Variants in MYOF observed in about 807,000 individuals in gnomAD.
MYOF encodes the protein fer-1-like 3, myoferlin.
A neutral mutation model predicts 284.2 loss-of-function variants in MYOF; 244 were observed. That is an observed-to-expected ratio of 0.86 (90% CI 0.77 to 0.95). The LOEUF is 0.95. Ranked by LOEUF, MYOF falls within the 40% of genes least tolerant of loss-of-function variation. MYOF has a pLI of 0.00. For missense variants in MYOF, 2,496 were observed against 2,560.6 expected (o/e 0.97, Z 0.54); for synonymous variants, 904 against 919.7 (o/e 0.98, Z 0.31).
chr10:93,475,061 A>G (rs892949341), intron 1 of MYOF, among the ~76,000 whole-genome samples: 1 of 152,090 alleles, frequency 6.6e-6, no homozygotes, highest in African/African-American at 2.4e-5. Flanking sequence ...GAAGCTGCAG[A>G]TTGTATTTGC....
Position 93,374,756 on chromosome 10 carries a change from G to T in MYOF, c.2301+7C>A, listed in dbSNP as rs764266977. 6.2e-7 allele frequency: 1 copy of T among 1,612,940 alleles called. No individual in the cohort carries two copies. The highest frequency in any genetic ancestry group is 1.1e-5 in the South Asian group (1 of 90,872). ...CAGGTGACGTTTGTGTAGTTTAAAAGTCCTACCTCTTCAGTCAGCTGCATT... is the reference window on the plus strand; with the variant it reads ...CAGGTGACGTTTGTGTAGTTTAAAATTCCTACCTCTTCAGTCAGCTGCATT... On this transcript the variant is annotated splice_region_variant and intron_variant, in intron 23 of 53. Coordinates refer to ENST00000359263, the MANE Select transcript of MYOF (RefSeq NM_013451.4).
chr10:93,409,634 C>T lies in MYOF; in HGVS notation c.539G>A (p.Arg180Gln), dbSNP rs140215599. 10 of 1,614,204 alleles carry T rather than the reference C, an allele frequency of 6.2e-6. No homozygotes were observed. The highest frequency in any genetic ancestry group is 5.0e-5 in the Admixed American group (3 of 60,026). ...GCTGTTCTTTACTTTGGTGAGCCTC[C>T]GAGCAAGCTGAGCTTCCGACACCGT... Reference protein sequence around the residue: ...VGTVSEAQLARRLTKVKNSRR... With the variant: ...VGTVSEAQLAQRLTKVKNSRR... Residue 180 changes from arginine (R) to glutamine (Q), a missense_variant, in exon 6 of 54, where the codon CGG becomes CAG. Physicochemically the swap from Arg to Gln is conservative, Grantham distance 43 (BLOSUM62 1). Coordinates refer to ENST00000359263, the MANE Select transcript of MYOF (RefSeq NM_013451.4).
chr10:93,427,233 G>T (rs1190309143), intron 4 of MYOF, among the ~76,000 whole-genome samples: 4 of 151,402 alleles, frequency 2.6e-5, no homozygotes, highest in Non-Finnish European at 5.9e-5. Flanking sequence ...AAAACAGAGA[G>T]AACTTTAAGT....
chr10:93,481,525 T>A (rs535175044), intron 1 of MYOF, among the ~76,000 whole-genome samples: 1 of 152,298 alleles, frequency 6.6e-6, no homozygotes, highest in East Asian at 1.9e-4. Flanking sequence ...CAGAGTTCTT[T>A]CCTCAATGAG....
At chr10:93,452,012 A>G in intron 3 of MYOF, 38 bp downstream of exon 3, 1 of 1,372,936 alleles carries the variant, frequency 7.3e-7, no homozygotes, top group Non-Finnish European at 1.0e-6. Flanking sequence ...GTGAGATAGT[A>G]ATACCTAAAA....
intron 3 of MYOF, among the ~76,000 whole-genome samples, chr10:93,450,877 T>C (rs889915671): frequency 3.3e-5 from 5 of 152,318 alleles, no homozygotes; most frequent in South Asian, 2.1e-4. Context: ...TTTATTAATT[T>C]GATAGTATAC....
chr10:93,438,170 C>G, intron 3 of MYOF, among the ~76,000 whole-genome samples: 1 of 152,102 alleles, frequency 6.6e-6, no homozygotes, highest in East Asian at 1.9e-4. Context: ...GTGACATTTC[C>G]TCTTAGGAAT....
In MYOF at chr10:93,352,521, A is replaced by C. The variant is rs59293446; in HGVS notation, c.3482-675T>G. 9.7e-3 allele frequency among the ~76,000 whole-genome samples: 1,483 copies of C among 152,360 alleles called. 31 individuals carry two copies. The highest frequency in any genetic ancestry group is 0.032 in the African/African-American group (1,333 of 41,586). On this transcript the variant is annotated intron_variant, in intron 32 of 53. Transcript: ENST00000359263. ...AAACTTTGTCTCACTATACTTAAGAATGGAGAGAAAGCAATATTATGTATG... is the reference window on the plus strand; with the variant it reads ...AAACTTTGTCTCACTATACTTAAGACTGGAGAGAAAGCAATATTATGTATG...
At position 93,482,215 on chromosome 10, in the gene MYOF, C is replaced by G. The variant is rs2057394628; in HGVS notation, c.-21G>C. 6.2e-7 allele frequency: 1 copy of G among 1,603,598 alleles called. No individual in the cohort carries two copies. The highest frequency in any genetic ancestry group is 8.5e-7 in the Non-Finnish European group (1 of 1,174,136). The stretch of plus-strand genomic sequence containing the variant: ...AGCATGGTTCTTAGCTGGTAGAAAG[C>G]AAGTTTCAGCAAACGAAGTGGAGAC... On this transcript the variant is annotated 5_prime_UTR_variant, in exon 1 of 54. Coordinates refer to ENST00000359263, the MANE Select transcript of MYOF (RefSeq NM_013451.4).
chr10:93,358,870 G>T (rs1049353155), intron 29 of MYOF, among the ~76,000 whole-genome samples: 4 of 152,088 alleles, frequency 2.6e-5, no homozygotes, highest in African/African-American at 9.6e-5. Flanking sequence ...GTTGATAGGT[G>T]CAGCAAACCA....
intron 30 of MYOF, among the ~76,000 whole-genome samples, chr10:93,356,205 T>C (rs558591308): frequency 2.0e-5 from 3 of 152,182 alleles, no homozygotes; most frequent in Non-Finnish European, 4.4e-5. Flanking sequence ...CTGCCTGCTT[T>C]TTCCCCCGAC....
At chr10:93,381,126 G>A in intron 20 of MYOF, 93 bp downstream of exon 20, 2 of 1,353,228 alleles carry the variant, frequency 1.5e-6, no homozygotes, top group South Asian at 2.6e-5. Flanking sequence ...AGGCTGCGTA[G>A]AACAGTGCCA....
intron 16 of MYOF, among the ~76,000 whole-genome samples, chr10:93,395,927 C>A (rs57823877): frequency 6.7e-6 from 1 of 149,322 alleles, no homozygotes; most frequent in Non-Finnish European, 1.5e-5. Flanking sequence ...TATATGCATA[C>A]TAGATTATGA....
At chr10:93,381,686 G>A (rs1846121605) in intron 19 of MYOF, among the ~76,000 whole-genome samples, 2 of 152,198 alleles carry the variant, frequency 1.3e-5, no homozygotes, top group African/African-American at 4.8e-5. Context: ...CCATAAAATA[G>A]AATGAAGGTT....
At chr10:93,432,952 A>C (rs1589561661) in intron 3 of MYOF, among the ~76,000 whole-genome samples, 1 of 152,210 alleles carries the variant, frequency 6.6e-6, no homozygotes. Flanking sequence ...TCAAAAACAC[A>C]TATAGAACAC....
intron 28 of MYOF, 82 bp from the exon 29 acceptor site, chr10:93,360,060 A>T: frequency 6.6e-7 from 1 of 1,520,344 alleles, no homozygotes; most frequent in Non-Finnish European, 9.1e-7. Flanking sequence ...ACATTTGTTC[A>T]CTCTCCCTGC....
At chr10:93,364,396 T>C (rs915520210) in intron 26 of MYOF, among the ~76,000 whole-genome samples, 2 of 152,238 alleles carry the variant, frequency 1.3e-5, no homozygotes, top group Non-Finnish European at 2.9e-5. Context: ...AGACAACGCC[T>C]TCCATGTTTC....
At chr10:93,322,293 T>C (rs1842875484) in intron 48 of MYOF, among the ~76,000 whole-genome samples, 2 of 152,222 alleles carry the variant, frequency 1.3e-5, no homozygotes, top group South Asian at 2.1e-4. Flanking sequence ...CCACGTGGAA[T>C]AGCAACAATA....
chr10:93,427,213 A>T (rs1220375976), intron 4 of MYOF, among the ~76,000 whole-genome samples: 2 of 94,248 alleles, frequency 2.1e-5, no homozygotes, highest in Admixed American at 2.1e-4. Flanking sequence ...AAAACAAAAC[A>T]AAACAAAAAA....
Sources: gnomAD v4.1 joint callset for allele counts (sites outside exome capture counted in the v4.1 genomes callset) on GRCh38, gnomAD v4.1.1 for gene constraint, MANE v1.5 for transcripts, NCBI Gene and HGNC (gene_info 2026-07-23, HGNC 2026-07-21) for gene names.